SHROOM3: variants seen among roughly 807,000 people sequenced by gnomAD.
The protein encoded by SHROOM3 is protein Shroom3.
A neutral mutation model predicts 138.6 loss-of-function variants in SHROOM3; 47 were observed. The ratio of observed to expected loss-of-function variants is 0.34; its 90% CI spans 0.27 to 0.43. The LOEUF (loss-of-function observed/expected upper bound fraction) is 0.43, where lower values mean the gene tolerates loss of function less well. Among genes scored for constraint, SHROOM3 ranks in the 20% least tolerant of loss-of-function variants. The pLI, the probability that SHROOM3 is intolerant of heterozygous loss-of-function variation, is 1.00. For synonymous variants in SHROOM3, 1,062 were observed against 1,063.3 expected (o/e 1.00, Z 0.02); for missense variants, 2,491 against 2,596.5 (o/e 0.96, Z 0.88).
At chr4:76,452,406 A>T in intron 1 of SHROOM3, among the ~76,000 whole-genome samples, 1 of 152,202 alleles carries the variant, frequency 6.6e-6, no homozygotes, top group Non-Finnish European at 1.5e-5. Context: ...CCTAGCCCTT[A>T]GCCCCTGGCA....
chr4:76,711,371 TATC>T (rs1202447146), intron 3 of SHROOM3, among the ~76,000 whole-genome samples: 1 of 152,236 alleles, frequency 6.6e-6, no homozygotes, highest in Non-Finnish European at 1.5e-5. Flanking sequence ...CAACAAATGT[TATC>T]ATAGTAACCA....
In SHROOM3 at chr4:76,754,873, C is replaced by G. The variant is rs150072471; in HGVS notation, c.4390C>G (p.Pro1464Ala). ...GCACTATCAAAAACAGCAGAGTCTTCCAAGTTTATGCAGCACTTCTGACCC... is the reference window on the plus strand; with the variant it reads ...GCACTATCAAAAACAGCAGAGTCTTGCAAGTTTATGCAGCACTTCTGACCC... ...LKHYQKQQSL[P>A]SLCSTSDPDT... Residue 1464 changes from proline (P) to alanine (A), a missense_variant, in exon 7 of 11, where the codon CCA (proline) becomes GCA (alanine). Physicochemically the swap from Pro to Ala is conservative, Grantham distance 27 (BLOSUM62 -1). Coordinates refer to ENST00000296043, the MANE Select transcript of SHROOM3 (RefSeq NM_020859.4). 1 of 1,614,200 alleles carries G rather than the reference C, an allele frequency of 6.2e-7. No homozygotes were observed. Among genetic ancestry groups the G allele is most frequent in the Non-Finnish European group, 8.5e-7 (1 of 1,180,028 alleles).
intron 2 of SHROOM3, among the ~76,000 whole-genome samples, chr4:76,622,972 A>C (rs1735041699): frequency 6.6e-6 from 1 of 152,154 alleles, no homozygotes; most frequent in South Asian, 2.1e-4. Flanking sequence ...TCCATTTCTC[A>C]CTGGTGTTTG....
chr4:76,728,872 C>T (rs922569888), intron 3 of SHROOM3, among the ~76,000 whole-genome samples: 1 of 151,340 alleles, frequency 6.6e-6, no homozygotes, highest in Admixed American at 6.6e-5. Context: ...CTCAATACCT[C>T]ACTGGGGAGC....
At chr4:76,685,322 T>C (rs761803894) in intron 2 of SHROOM3, among the ~76,000 whole-genome samples, 26 of 151,972 alleles carry the variant, frequency 1.7e-4, no homozygotes, top group South Asian at 4.2e-4. Context: ...AGAATTGTCT[T>C]GGGCCACACA....
chr4:76,748,375 G>C (rs938624854), intron 5 of SHROOM3, among the ~76,000 whole-genome samples: 1 of 151,938 alleles, frequency 6.6e-6, no homozygotes, highest in Non-Finnish European at 1.5e-5. Flanking sequence ...CTTCATCATG[G>C]ACCTGATCAC....
rs1183311504 is a variant in SHROOM3, at chr4:76,740,172, A to G, written c.1999A>G (p.Asn667Asp). 1 of 1,613,938 alleles carries G rather than the reference A, an allele frequency of 6.2e-7. No individual in the cohort carries two copies. The highest frequency in any genetic ancestry group is 8.5e-7 in the Non-Finnish European group (1 of 1,180,026). The change falls in exon 5 of 11, where the codon AAC becomes GAC. Residue 667 changes from asparagine to aspartate, a missense_variant. Transcript: ENST00000296043. This position sits in a 1 kb window ranked among gnomAD's most constrained non-coding sequence, Gnocchi z 4.0. Reference sequence around the variant, plus strand: ...CAAGTCAGCCTTCTCATCTCTCCAGAACATTCCTGAGAGTCTGAGAAGACA... The same window carrying G: ...CAAGTCAGCCTTCTCATCTCTCCAGGACATTCCTGAGAGTCTGAGAAGACA... ...KTKSAFSSLQ[N>D]IPESLRRHSS...
intron 1 of SHROOM3, among the ~76,000 whole-genome samples, chr4:76,501,123 G>T (rs1311672628): frequency 6.6e-6 from 1 of 151,990 alleles, no homozygotes; most frequent in African/African-American, 2.4e-5. Flanking sequence ...TGGCCTTTTT[G>T]CCCATTTTTA....
chr4:76,617,386 G>T (rs543635824), intron 2 of SHROOM3, among the ~76,000 whole-genome samples: 2 of 152,290 alleles, frequency 1.3e-5, no homozygotes, highest in East Asian at 1.9e-4. Flanking sequence ...TTCCCCTAAA[G>T]AATTTATTTA....
intron 1 of SHROOM3, among the ~76,000 whole-genome samples, chr4:76,521,413 T>C (rs1397862868): frequency 6.6e-6 from 1 of 152,246 alleles, no homozygotes; most frequent in East Asian, 1.9e-4. Context: ...TGGTCTAAAT[T>C]GCTGGGACCT....
intron 1 of SHROOM3, among the ~76,000 whole-genome samples, chr4:76,538,210 T>A (rs552882462): frequency 1.3e-5 from 2 of 152,292 alleles, no homozygotes; most frequent in South Asian, 4.1e-4. Flanking sequence ...GAATTGTACA[T>A]TTTAAAAGGG....
chr4:76,724,302 A>C (rs1282651441), intron 3 of SHROOM3, among the ~76,000 whole-genome samples: 1 of 152,208 alleles, frequency 6.6e-6, no homozygotes, highest in East Asian at 1.9e-4. Flanking sequence ...ACTTTAGGAA[A>C]ATATTTCTTT....
intron 2 of SHROOM3, among the ~76,000 whole-genome samples, chr4:76,584,411 G>A (rs1228984448): frequency 2.0e-5 from 3 of 152,134 alleles, no homozygotes; most frequent in East Asian, 3.9e-4. Context: ...AGTTCCCTGA[G>A]CCAACACAAC....
chr4:76,763,726 A>T (rs1319424326), intron 9 of SHROOM3, among the ~76,000 whole-genome samples: 3 of 152,098 alleles, frequency 2.0e-5, no homozygotes, highest in Non-Finnish European at 4.4e-5. Context: ...ACAATGGAGA[A>T]CCCTTTGAGA....
chr4:76,752,995 G>A (rs778415797), intron 6 of SHROOM3, among the ~76,000 whole-genome samples: 5 of 152,198 alleles, frequency 3.3e-5, no homozygotes, highest in Non-Finnish European at 5.9e-5. Flanking sequence ...GAGCAGCTGG[G>A]CAAAGGAGAC....
At chr4:76,603,828 A>G (rs1734559458) in intron 2 of SHROOM3, among the ~76,000 whole-genome samples, 1 of 144,260 alleles carries the variant, frequency 6.9e-6, no homozygotes, top group South Asian at 2.2e-4. Context: ...GAGAACAAGC[A>G]TCTTGTATTC....
At chr4:76,666,736 A>T (rs1365075963) in intron 2 of SHROOM3, among the ~76,000 whole-genome samples, 1 of 152,178 alleles carries the variant, frequency 6.6e-6, no homozygotes, top group Non-Finnish European at 1.5e-5. Flanking sequence ...TTAAAAGGAA[A>T]TACAGAGCAA....
At chr4:76,648,427 G>GT (rs1301206318) in intron 2 of SHROOM3, among the ~76,000 whole-genome samples, 2 of 152,188 alleles carry the variant, frequency 1.3e-5, no homozygotes, top group Non-Finnish European at 2.9e-5. Flanking sequence ...CCTGTTGAAA[G>GT]TAAGAGATGA....
At chr4:76,614,612 G>A (rs574526636) in intron 2 of SHROOM3, among the ~76,000 whole-genome samples, 1 of 152,208 alleles carries the variant, frequency 6.6e-6, no homozygotes, top group South Asian at 2.1e-4. Context: ...CATGCATTAG[G>A]TATTTGTCCT....
Sources: gnomAD v4.1 joint callset for allele counts (sites outside exome capture counted in the v4.1 genomes callset) on GRCh38, gnomAD v4.1.1 for gene constraint, Gnocchi (gnomAD v3.1) non-coding constraint, MANE v1.5 for transcripts, NCBI Gene and HGNC (gene_info 2026-07-23, HGNC 2026-07-21) for gene names.